The following KCNH5 variants were observed in gnomAD, a reference collection of about 807,000 sequenced individuals.
The protein encoded by KCNH5 is potassium voltage-gated channel subfamily H member 5.
KCNH5 carries 46 observed loss-of-function variants against 96.1 expected under a neutral mutation model. That is an observed-to-expected ratio of 0.48 (90% CI 0.38 to 0.61). KCNH5 has a LOEUF of 0.61. Among genes scored for constraint, KCNH5 ranks in the 20% least tolerant of loss-of-function variants. The pLI, the probability that KCNH5 is intolerant of heterozygous loss-of-function variation, is 0.00. For synonymous variants in KCNH5, 439 were observed against 449.8 expected (o/e 0.98, Z 0.30); for missense variants, 907 against 1,225.8 (o/e 0.74, Z 3.88).
chr14:63,012,749 C>T (rs145795844), intron 2 of KCNH5, among the ~76,000 whole-genome samples: 347 of 151,688 alleles, frequency 2.3e-3, no homozygotes, highest in African/African-American at 6.0e-3. Context: ...GATCATCATA[C>T]GGTGACACAA....
At chr14:62,923,890 T>A (rs940087544) in intron 7 of KCNH5, among the ~76,000 whole-genome samples, 1 of 151,776 alleles carries the variant, frequency 6.6e-6, no homozygotes, top group African/African-American at 2.4e-5. Flanking sequence ...GGAGGGAAAT[T>A]TCCTTAAAAT....
intron 4 of KCNH5, among the ~76,000 whole-genome samples, chr14:62,998,238 C>T (rs1378250033): frequency 6.6e-6 from 1 of 152,192 alleles, no homozygotes; most frequent in East Asian, 1.9e-4. Flanking sequence ...TGGTCTGTTT[C>T]ATCCAATTTA....
intron 7 of KCNH5, among the ~76,000 whole-genome samples, chr14:62,851,694 G>A (rs1887810102): frequency 1.3e-5 from 2 of 151,806 alleles, no homozygotes; most frequent in African/African-American, 4.8e-5. Flanking sequence ...AGTATTTAGG[G>A]GTTAATGAAA....
chr14:62,830,936 C>A (rs1472513988), intron 8 of KCNH5, among the ~76,000 whole-genome samples: 1 of 152,114 alleles, frequency 6.6e-6, no homozygotes, highest in Non-Finnish European at 1.5e-5. Flanking sequence ...TCCTTCCCTT[C>A]CTCGCTAAGC....
At chr14:62,909,432 T>C (rs1595680200) in intron 7 of KCNH5, among the ~76,000 whole-genome samples, 1 of 152,196 alleles carries the variant, frequency 6.6e-6, no homozygotes, top group Non-Finnish European at 1.5e-5. Flanking sequence ...ATGAGCAACA[T>C]TGTAAAAGTC....
intron 1 of KCNH5, among the ~76,000 whole-genome samples, chr14:63,034,216 C>A (rs1281871586): frequency 1.3e-5 from 2 of 152,096 alleles, no homozygotes; most frequent in Non-Finnish European, 2.9e-5. Context: ...CGGCACCCAG[C>A]CTGTATTATT....
At chr14:62,764,404 A>G (rs1022617854) in intron 10 of KCNH5, among the ~76,000 whole-genome samples, 16 of 152,190 alleles carry the variant, frequency 1.1e-4, no homozygotes, top group Non-Finnish European at 2.4e-4. Context: ...TGACAAACCC[A>G]CAGCCAAAGT....
At chr14:62,973,114 GGTACA>G (rs3080895) in intron 6 of KCNH5, among the ~76,000 whole-genome samples, 37,877 of 151,732 alleles carry the variant, frequency 0.25, 4,877 homozygotes, top group African/African-American at 0.29. Context: ...GGGAGCAAAG[GGTACA>G]GTACATGGGA....
At chr14:62,905,350 T>A (rs1407854937) in intron 7 of KCNH5, among the ~76,000 whole-genome samples, 1 of 152,238 alleles carries the variant, frequency 6.6e-6, no homozygotes, top group East Asian at 1.9e-4. Flanking sequence ...ACTGAGGCTA[T>A]GGAAGGAGAG....
intron 10 of KCNH5, among the ~76,000 whole-genome samples, chr14:62,744,799 T>G (rs1012598206): frequency 6.6e-6 from 1 of 152,178 alleles, no homozygotes; most frequent in African/African-American, 2.4e-5. Context: ...GAAAACCTCT[T>G]CTGACTTGAA....
intron 7 of KCNH5, among the ~76,000 whole-genome samples, chr14:62,853,308 A>G (rs929420263): frequency 2.0e-5 from 3 of 151,786 alleles, no homozygotes; most frequent in Non-Finnish European, 4.4e-5. Flanking sequence ...GAACTTTAAA[A>G]TTACACTGGA....
At chr14:62,879,605 C>T (rs934963972) in intron 7 of KCNH5, among the ~76,000 whole-genome samples, 3 of 152,060 alleles carry the variant, frequency 2.0e-5, no homozygotes, top group Admixed American at 6.6e-5. Context: ...AGGACCTTCC[C>T]GAATACTCTC....
chr14:62,787,746 A>G (rs1031605664), intron 9 of KCNH5, among the ~76,000 whole-genome samples: 3 of 152,218 alleles, frequency 2.0e-5, no homozygotes, highest in African/African-American at 7.2e-5. Flanking sequence ...ATTATGCTAA[A>G]TCTACTCTGC....
At chr14:63,012,880 A>T (rs1052151748) in intron 2 of KCNH5, among the ~76,000 whole-genome samples, 2 of 151,706 alleles carry the variant, frequency 1.3e-5, no homozygotes, top group Non-Finnish European at 2.9e-5. Flanking sequence ...TCAAGAATAC[A>T]CATATTTAAT....
intron 8 of KCNH5, among the ~76,000 whole-genome samples, chr14:62,819,057 T>C (rs1311497518): frequency 1.3e-5 from 2 of 152,126 alleles, no homozygotes; most frequent in Non-Finnish European, 2.9e-5. Flanking sequence ...AGCTCCGCCT[T>C]CCGGGTTCAC....
chr14:62,728,833 T>A (rs1184238420), intron 10 of KCNH5, among the ~76,000 whole-genome samples: 3 of 152,132 alleles, frequency 2.0e-5, no homozygotes, highest in Non-Finnish European at 4.4e-5. Flanking sequence ...ATAGTAGGAA[T>A]TCATCAAAAG....
At chr14:62,950,005 A>AG in intron 7 of KCNH5, 128 bp downstream of exon 7, 1 of 739,294 alleles carries the variant, frequency 1.4e-6, no homozygotes, top group East Asian at 2.7e-5. Context: ...ATTAAAAAAA[A>AG]CAATTGCAAA....
At chr14:62,868,161 T>C (rs1888173443) in intron 7 of KCNH5, among the ~76,000 whole-genome samples, 1 of 152,242 alleles carries the variant, frequency 6.6e-6, no homozygotes, top group South Asian at 2.1e-4. Context: ...GCACTTTATC[T>C]GATGTCATGT....
chr14:62,919,593 TG>T (rs1242486004), intron 7 of KCNH5, among the ~76,000 whole-genome samples: 2 of 152,122 alleles, frequency 1.3e-5, no homozygotes, highest in African/African-American at 4.8e-5. Context: ...CTGTAAAATA[TG>T]GGTAATAATA....
Sources: gnomAD v4.1 joint callset for allele counts (sites outside exome capture counted in the v4.1 genomes callset) on GRCh38, gnomAD v4.1.1 for gene constraint, MANE v1.5 for transcripts, NCBI Gene and HGNC (gene_info 2026-07-23, HGNC 2026-07-21) for gene names.